The following NRXN3 variants were observed in gnomAD, a reference collection of about 807,000 sequenced individuals.
NRXN3 encodes neurexin 3.
A neutral mutation model predicts 137.6 loss-of-function variants in NRXN3; 32 were observed. The observed-to-expected ratio is 0.23, with a 90% CI of 0.18 to 0.31. The LOEUF is 0.31. NRXN3 is among the 10% of genes least tolerant of loss of function. The pLI is 1.00. For synonymous variants in NRXN3, 798 were observed against 784.5 expected (o/e 1.02, Z -0.29); for missense variants, 1,574 against 2,062.5 (o/e 0.76, Z 4.59).
intron 19 of NRXN3, among the ~76,000 whole-genome samples, chr14:79,774,585 A>G (rs1322075176): frequency 6.6e-6 from 1 of 152,168 alleles, no homozygotes; most frequent in African/African-American, 2.4e-5. Flanking sequence ...ACCGTTAATG[A>G]ATGTCTTCGC....
chr14:79,821,168 A>G (rs2099271096), intron 20 of NRXN3, among the ~76,000 whole-genome samples: 1 of 152,198 alleles, frequency 6.6e-6, no homozygotes, highest in South Asian at 2.1e-4. Flanking sequence ...GAGGAAAACA[A>G]GGGTAAATTA....
chr14:79,029,575 C>T (rs1157178469), intron 15 of NRXN3, among the ~76,000 whole-genome samples: 19 of 152,076 alleles, frequency 1.2e-4, no homozygotes, highest in Admixed American at 1.2e-3. Context: ...TTCTCAATAG[C>T]CATGCCAATG....
At chr14:78,742,173 T>C (rs1185304044) in intron 8 of NRXN3, among the ~76,000 whole-genome samples, 1 of 152,206 alleles carries the variant, frequency 6.6e-6, no homozygotes, top group Non-Finnish European at 1.5e-5. Context: ...CAAATCTTCC[T>C]CTAGAATATT....
intron 15 of NRXN3, among the ~76,000 whole-genome samples, chr14:79,443,423 T>G (rs2096002296): frequency 6.6e-6 from 1 of 152,176 alleles, no homozygotes; most frequent in Non-Finnish European, 1.5e-5. Context: ...AAGTAATACA[T>G]GCTTTATAAA....
chr14:79,540,714 G>C (rs867676755), intron 16 of NRXN3, among the ~76,000 whole-genome samples: 9 of 152,140 alleles, frequency 5.9e-5, no homozygotes, highest in African/African-American at 2.4e-5. Context: ...ATTGAGGGAG[G>C]TTCAAGAAGG....
chr14:79,061,164 A>G (rs1160225288), intron 15 of NRXN3, among the ~76,000 whole-genome samples: 2 of 152,238 alleles, frequency 1.3e-5, no homozygotes, highest in African/African-American at 4.8e-5. Context: ...AGTACCTTCT[A>G]TGTGCTAAAC....
chr14:79,404,730 G>T (rs1356530178), intron 15 of NRXN3, among the ~76,000 whole-genome samples: 5 of 152,276 alleles, frequency 3.3e-5, no homozygotes, highest in African/African-American at 1.2e-4. Context: ...ACAGAACAAG[G>T]CTGTGAGACG....
chr14:78,277,027 G>A (rs975325258), intron 2 of NRXN3, among the ~76,000 whole-genome samples: 6 of 152,156 alleles, frequency 3.9e-5, no homozygotes, highest in Non-Finnish European at 7.3e-5. Flanking sequence ...GGGCGGTGTG[G>A]CTGAGGCATG....
At chr14:78,831,541 A>AG (rs2098982091) in intron 10 of NRXN3, among the ~76,000 whole-genome samples, 3 of 149,990 alleles carry the variant, frequency 2.0e-5, no homozygotes, top group Non-Finnish European at 4.5e-5. Context: ...TGTCAAAAAA[A>AG]AAAAAAAAAA....
chr14:78,846,126 A>T (rs1347943894), intron 10 of NRXN3, among the ~76,000 whole-genome samples: 1 of 152,032 alleles, frequency 6.6e-6, no homozygotes, highest in African/African-American at 2.4e-5. Context: ...CATCATTTTC[A>T]TTCTTTTACA....
At chr14:78,238,704 T>C (rs1034046883) in intron 1 of NRXN3, among the ~76,000 whole-genome samples, 22 of 152,266 alleles carry the variant, frequency 1.4e-4, no homozygotes, top group African/African-American at 5.3e-4. Flanking sequence ...TTATCACTTC[T>C]GAAACTGGAT....
chr14:79,115,338 A>AAG (rs1555765682), intron 15 of NRXN3, among the ~76,000 whole-genome samples: 5 of 151,268 alleles, frequency 3.3e-5, no homozygotes, highest in African/African-American at 1.2e-4. Context: ...AAAAAAAAAA[A>AAG]AAAGAAAAAA....
chr14:78,725,680 G>T (rs1382767354), intron 8 of NRXN3, among the ~76,000 whole-genome samples: 2 of 152,188 alleles, frequency 1.3e-5, no homozygotes, highest in African/African-American at 2.4e-5. Flanking sequence ...ATTTATTAGG[G>T]ATTGTGGGGG....
At chr14:79,568,173 C>T (rs532679385) in intron 16 of NRXN3, among the ~76,000 whole-genome samples, 6 of 152,126 alleles carry the variant, frequency 3.9e-5, no homozygotes, top group Non-Finnish European at 7.4e-5. Context: ...CTGAAGGAAG[C>T]GAGATTACTC....
At chr14:79,497,494 C>T (rs1203022138) in intron 16 of NRXN3, among the ~76,000 whole-genome samples, 1 of 152,024 alleles carries the variant, frequency 6.6e-6, no homozygotes, top group African/African-American at 2.4e-5. Context: ...CTTCCTTATC[C>T]CACCTCCCTG....
chr14:79,624,993 C>T (rs1167502578), intron 16 of NRXN3, among the ~76,000 whole-genome samples: 2 of 151,936 alleles, frequency 1.3e-5, no homozygotes, highest in Non-Finnish European at 2.9e-5. Context: ...GAGATGAGGT[C>T]TCACTATGTT....
intron 4 of NRXN3, among the ~76,000 whole-genome samples, chr14:78,353,520 G>A (rs547280551): frequency 2.6e-5 from 4 of 152,220 alleles, no homozygotes; most frequent in East Asian, 1.9e-4. Context: ...TATTACTCTC[G>A]TGATCTAACT....
At chr14:78,913,274 C>CTTTTTTTTTTTTTTTTTTTTTTTT (rs1157942892) in intron 10 of NRXN3, among the ~76,000 whole-genome samples, 14 of 47,852 alleles carry the variant, frequency 2.9e-4, no homozygotes, top group South Asian at 1.1e-3. Context: ...TTCTTTCTTT[C>CTTTTTTTTTTTTTTTTTTTTTTTT]TTTTTTTTTT....
intron 10 of NRXN3, among the ~76,000 whole-genome samples, chr14:78,895,307 G>A (rs138439850): frequency 9.2e-5 from 14 of 151,908 alleles, no homozygotes; most frequent in African/African-American, 2.2e-4. Context: ...AGCACTTGCC[G>A]CTTTACCTTG....
Sources: gnomAD v4.1 joint callset for allele counts (sites outside exome capture counted in the v4.1 genomes callset) on GRCh38, gnomAD v4.1.1 for gene constraint, MANE v1.5 for transcripts, NCBI Gene and HGNC (gene_info 2026-07-23, HGNC 2026-07-21) for gene names.